Variants in NOS1 observed in about 807,000 individuals in gnomAD.
The protein encoded by NOS1 is nitric oxide synthase 1, also known as NOS type I.
NOS1 carries 51 observed loss-of-function variants against 164.5 expected under a neutral mutation model. That is an observed-to-expected ratio of 0.31 (90% CI 0.25 to 0.39). The LOEUF (loss-of-function observed/expected upper bound fraction) is 0.39, where lower values mean the gene tolerates loss of function less well. Among genes scored for constraint, NOS1 ranks in the 10% least tolerant of loss-of-function variants. The probability of loss-of-function intolerance (pLI) is 1.00; values close to 1 mark genes in which losing one functional copy is unlikely to be tolerated. For missense variants in NOS1, 1,362 were observed against 1,885.6 expected (o/e 0.72, Z 5.14); for synonymous variants, 719 against 745.8 (o/e 0.96, Z 0.59).
chr12:117,305,891 A>T (rs552111871), intron 3 of NOS1, among the ~76,000 whole-genome samples: 3 of 151,464 alleles, frequency 2.0e-5, no homozygotes, highest in Admixed American at 2.0e-4. Context: ...TCCCAGGCTC[A>T]AGCAATTCTT....
intron 3 of NOS1, chr12:117,309,169 A>G (rs1874305945): frequency 5.9e-6 from 1 of 168,520 alleles, no homozygotes; most frequent in Non-Finnish European, 1.2e-5. Context: ...TTTAATCATG[A>G]ATGGAGAATA....
At chr12:117,271,943 A>C (rs1260612555) in intron 10 of NOS1, among the ~76,000 whole-genome samples, 2 of 152,182 alleles carry the variant, frequency 1.3e-5, no homozygotes, top group Non-Finnish European at 2.9e-5. Flanking sequence ...CGAGTTTGTC[A>C]GTCATCCTCA....
At chr12:117,297,469 G>A (rs1192765903) in intron 3 of NOS1, among the ~76,000 whole-genome samples, 2 of 152,088 alleles carry the variant, frequency 1.3e-5, no homozygotes, top group Non-Finnish European at 2.9e-5. Context: ...TCAGCTCACT[G>A]CAACCTCTGC....
At chr12:117,268,496 T>G (rs908374569) in intron 10 of NOS1, among the ~76,000 whole-genome samples, 5 of 152,046 alleles carry the variant, frequency 3.3e-5, no homozygotes, top group African/African-American at 1.2e-4. Context: ...CCTCCCAAAG[T>G]GCTGGGATTA....
At chr12:117,329,757 T>C (rs1057261954) in intron 2 of NOS1, among the ~76,000 whole-genome samples, 2 of 152,198 alleles carry the variant, frequency 1.3e-5, no homozygotes, top group Non-Finnish European at 2.9e-5. Flanking sequence ...CCAGCAAGAC[T>C]GCGGTTTTTA....
At chr12:117,310,108 A>G (rs141084204) in intron 3 of NOS1, among the ~76,000 whole-genome samples, 1,876 of 152,200 alleles carry the variant, frequency 0.012, 44 homozygotes, top group African/African-American at 0.043. Context: ...GGGTTTTGCC[A>G]TGTTGCCCAG....
In NOS1 at chr12:117,253,779, G is replaced by A. The variant is rs568325956; in HGVS notation, c.2532-25C>T. On this transcript the variant is annotated intron_variant, in intron 16 of 28. Coordinates refer to ENST00000317775, the MANE Select transcript of NOS1 (RefSeq NM_000620.5). ...CCTGCCAAAACCAAAGAGAACCTGT[G>A]AGCTCTGGCCTGGAGCTCCCTCCTG... 4.0e-5 allele frequency: 62 copies of A among 1,554,972 alleles called. No individual in the cohort carries two copies. In the South Asian group the frequency reaches 6.7e-4, roughly 17 times the overall value.
chr12:117,287,851 A>C (rs867351384), intron 5 of NOS1, among the ~76,000 whole-genome samples: 1 of 152,244 alleles, frequency 6.6e-6, no homozygotes, highest in South Asian at 2.1e-4. Context: ...GTATGTATCT[A>C]GGCATGGAAT....
intron 1 of NOS1, among the ~76,000 whole-genome samples, chr12:117,355,323 T>C (rs1477304420): frequency 1.3e-5 from 2 of 152,198 alleles, no homozygotes; most frequent in African/African-American, 4.8e-5. Context: ...GCCACCTTTC[T>C]CTTAGGAAAT....
At chr12:117,226,029 T>C (rs1592928365) in intron 24 of NOS1, among the ~76,000 whole-genome samples, 2 of 152,340 alleles carry the variant, frequency 1.3e-5, no homozygotes, top group East Asian at 3.9e-4. Context: ...TGCAGATTCC[T>C]GGGCCATACA....
chr12:117,358,179 G>A (rs1392443704), intron 1 of NOS1, among the ~76,000 whole-genome samples: 2 of 152,196 alleles, frequency 1.3e-5, no homozygotes, highest in Non-Finnish European at 2.9e-5. Context: ...ATATGCAGGC[G>A]AATTGACCTC....
intron 17 of NOS1, among the ~76,000 whole-genome samples, chr12:117,248,375 T>C (rs1209259537): frequency 6.9e-6 from 1 of 145,578 alleles, no homozygotes; most frequent in Non-Finnish European, 1.5e-5. Flanking sequence ...GTCCCCAGAG[T>C]GTGATGTTCC....
At chr12:117,320,258 T>C (rs1874854042) in intron 2 of NOS1, among the ~76,000 whole-genome samples, 1 of 152,188 alleles carries the variant, frequency 6.6e-6, no homozygotes, top group African/African-American at 2.4e-5. Context: ...GATCTTGTGA[T>C]GAGCAGATTC....
In NOS1 at chr12:117,213,042, G is replaced by A. The variant is rs1163894243; in HGVS notation, c.*2267C>T. Reference sequence around the variant, plus strand: ...TTCTTTGGACTCCTTGACAAAATGAGACAATGTTTCCATCTGTCTGCTACT... The same window carrying A: ...TTCTTTGGACTCCTTGACAAAATGAAACAATGTTTCCATCTGTCTGCTACT... On this transcript the variant is annotated 3_prime_UTR_variant, in exon 29 of 29. Coordinates refer to ENST00000317775, the MANE Select transcript of NOS1 (RefSeq NM_000620.5). The A allele has an allele frequency of 1.0e-6, 1 of 985,346 alleles. No homozygotes were observed. The highest frequency in any genetic ancestry group is 1.2e-6 in the Non-Finnish European group (1 of 829,948). 61.0% of individuals were successfully genotyped at this position (985,346 alleles called of 1,614,324 possible). A position where few individuals can be genotyped will look rare whatever the true frequency, so the allele number is the denominator to read the frequency against.
chr12:117,218,055 T>C lies in NOS1; in HGVS notation c.4280A>G (p.Asp1427Gly), dbSNP rs1956639301. 6.2e-7 allele frequency: 1 copy of C among 1,612,686 alleles called. No homozygotes were observed. Among genetic ancestry groups the C allele is most frequent in the African/African-American group, 1.3e-5 (1 of 74,896 alleles). Residue 1427 changes from aspartate (D) to glycine (G), a missense_variant, in exon 28 of 29, where the codon GAC becomes GGC. Asp to Gly is a moderately conservative substitution (Grantham distance 94, BLOSUM62 -1). This residue lies in a region of NOS1 where 737 missense variants were observed against 1,030.3 expected (regional missense o/e 0.72). Coordinates refer to ENST00000317775, the MANE Select transcript of NOS1 (RefSeq NM_000620.5). ...GATGGAGCCAGCTTACTCATCGGTGTCTTTTTTGCTCTCTTCAATGAAGGC... is the reference window on the plus strand; with the variant it reads ...GATGGAGCCAGCTTACTCATCGGTGCCTTTTTTGCTCTCTTCAATGAAGGC... ...SIAFIEESKKDTDEVFSS is the reference protein window; with the variant it reads ...SIAFIEESKKGTDEVFSS
intron 17 of NOS1, among the ~76,000 whole-genome samples, chr12:117,253,300 A>C (rs539243902): frequency 6.6e-6 from 1 of 152,230 alleles, no homozygotes; most frequent in East Asian, 1.9e-4. Flanking sequence ...GCTTCTATGA[A>C]GTATACACCG....
chr12:117,276,801 A>C (rs1426042561), intron 9 of NOS1, among the ~76,000 whole-genome samples: 2 of 152,204 alleles, frequency 1.3e-5, no homozygotes, highest in Non-Finnish European at 2.9e-5. Flanking sequence ...TGTTGTTACA[A>C]ATGACTGGAT....
chr12:117,285,086 TAAAAA>T (rs1286069647), intron 7 of NOS1, among the ~76,000 whole-genome samples, 150 bp downstream of exon 7: 5 of 144,774 alleles, frequency 3.5e-5, no homozygotes, highest in African/African-American at 1.3e-4. Context: ...AAATAAAAAA[TAAAAA>T]AAAAAGATGC....
At chr12:117,343,762 T>G (rs886726413) in intron 1 of NOS1, among the ~76,000 whole-genome samples, 1 of 152,218 alleles carries the variant, frequency 6.6e-6, no homozygotes, top group Admixed American at 6.5e-5. Flanking sequence ...CTGGCATCCT[T>G]GGGTGCTTTC....
Sources: gnomAD v4.1 joint callset for allele counts (sites outside exome capture counted in the v4.1 genomes callset) on GRCh38, gnomAD v4.1.1 for gene constraint, gnomAD v4.1.1 regional missense constraint, MANE v1.5 for transcripts, NCBI Gene and HGNC (gene_info 2026-07-23, HGNC 2026-07-21) for gene names.